The following DLG2 variants were observed in gnomAD, a reference collection of about 807,000 sequenced individuals.
DLG2 encodes discs large MAGUK scaffold protein 2.
Under a neutral mutation model 132.5 loss-of-function variants are expected in DLG2, and 45 were observed. That is an observed-to-expected ratio of 0.34 (90% CI 0.27 to 0.44). The LOEUF is 0.44. Among genes scored for constraint, DLG2 ranks in the 20% least tolerant of loss-of-function variants. DLG2 has a pLI of 1.00. For synonymous variants in DLG2, 424 were observed against 419.6 expected (o/e 1.01, Z -0.13); for missense variants, 1,045 against 1,196.9 (o/e 0.87, Z 1.87).
intron 21 of DLG2, among the ~76,000 whole-genome samples, chr11:83,495,050 A>G (rs2094075879): frequency 6.6e-6 from 1 of 152,248 alleles, no homozygotes; most frequent in East Asian, 1.9e-4. Context: ...CCTTTCTTAT[A>G]GTTTCTAAAC....
At chr11:84,035,838 T>C (rs2095850106) in intron 11 of DLG2, among the ~76,000 whole-genome samples, 1 of 152,114 alleles carries the variant, frequency 6.6e-6, no homozygotes, top group Non-Finnish European at 1.5e-5. Context: ...GCAGAGTTGG[T>C]GAGGATAGAC....
At chr11:84,397,754 C>T (rs922449650) in intron 7 of DLG2, among the ~76,000 whole-genome samples, 1 of 152,176 alleles carries the variant, frequency 6.6e-6, no homozygotes, top group African/African-American at 2.4e-5. Flanking sequence ...TCACATACTG[C>T]TTTTTAACCA....
At chr11:84,404,567 A>C (rs570458172) in intron 7 of DLG2, among the ~76,000 whole-genome samples, 2 of 152,276 alleles carry the variant, frequency 1.3e-5, no homozygotes, top group South Asian at 4.1e-4. Flanking sequence ...CTATTAGGTA[A>C]ATACGTGTCT....
At chr11:83,590,540 A>G (rs1231616315) in intron 19 of DLG2, among the ~76,000 whole-genome samples, 11 of 151,970 alleles carry the variant, frequency 7.2e-5, no homozygotes, top group Non-Finnish European at 1.6e-4. Context: ...AGAAAGCAGG[A>G]AAGATCCAAA....
rs967204089 is a variant in DLG2 at position 83,951,117 on chromosome 11, T to G, written c.1340+11768A>C. On this transcript the variant is annotated intron_variant, in intron 14 of 27. Coordinates refer to ENST00000376104, the MANE Select transcript of DLG2 (RefSeq NM_001142699.3). ...AAGATAAATTAAGAGACATAAGCAT[T>G]TAAATTAGATACAGTATTAAAACAA... 3.3e-5 allele frequency among the ~76,000 whole-genome samples: 5 copies of G among 152,050 alleles called. No individual in the cohort carries two copies. The South Asian group carries it at 8.3e-4, about 25-fold the overall frequency.
chr11:84,568,646 C>T (rs773627313), intron 6 of DLG2, among the ~76,000 whole-genome samples: 3 of 152,160 alleles, frequency 2.0e-5, no homozygotes, highest in Non-Finnish European at 2.9e-5. Flanking sequence ...TTAGATCCTA[C>T]CCCAACAAAC....
intron 4 of DLG2, among the ~76,000 whole-genome samples, chr11:85,188,488 A>G (rs1381581108): frequency 6.6e-6 from 1 of 152,192 alleles, no homozygotes; most frequent in African/African-American, 2.4e-5. Flanking sequence ...TGAAAGCGTG[A>G]TCCATGCTCA....
At chr11:85,014,658 A>G (rs1432470295) in intron 6 of DLG2, among the ~76,000 whole-genome samples, 1 of 152,166 alleles carries the variant, frequency 6.6e-6, no homozygotes, top group Non-Finnish European at 1.5e-5. Context: ...ACCCTCCAGA[A>G]GAAGAGAACT....
intron 21 of DLG2, among the ~76,000 whole-genome samples, chr11:83,530,874 A>G (rs1357627780): frequency 6.6e-6 from 1 of 152,054 alleles, no homozygotes; most frequent in Non-Finnish European, 1.5e-5. Flanking sequence ...GCAAGGTTGC[A>G]GGATATAAGA....
chr11:85,424,981 T>C (rs921430145), intron 3 of DLG2, among the ~76,000 whole-genome samples: 2 of 152,068 alleles, frequency 1.3e-5, no homozygotes, highest in Non-Finnish European at 2.9e-5. Context: ...AAAGTTTCCA[T>C]GGTCACCTTA....
At chr11:85,026,926 A>T (rs1231442905) in intron 6 of DLG2, among the ~76,000 whole-genome samples, 2 of 152,152 alleles carry the variant, frequency 1.3e-5, no homozygotes, top group African/African-American at 4.8e-5. Flanking sequence ...TTACTGAAAT[A>T]TTTGCCTATG....
chr11:85,481,440 G>A (rs1247194068), intron 3 of DLG2, among the ~76,000 whole-genome samples: 1 of 152,144 alleles, frequency 6.6e-6, no homozygotes, highest in African/African-American at 2.4e-5. Flanking sequence ...AAACATGCAT[G>A]GAAGAGGGTA....
intron 7 of DLG2, among the ~76,000 whole-genome samples, chr11:84,271,949 C>CAAAAAAAAA (rs71036417): frequency 6.4e-5 from 5 of 77,794 alleles, no homozygotes; most frequent in Admixed American, 1.5e-4. Context: ...TTGATAATAA[C>CAAAAAAAAA]AAAAAAAAAA....
At chr11:85,245,588 T>C (rs1289568850) in intron 4 of DLG2, among the ~76,000 whole-genome samples, 1 of 152,028 alleles carries the variant, frequency 6.6e-6, no homozygotes, top group Non-Finnish European at 1.5e-5. Flanking sequence ...TTGGCTCCTG[T>C]GAAGTATTAT....
intron 21 of DLG2, among the ~76,000 whole-genome samples, chr11:83,518,655 C>T (rs1017493363): frequency 6.6e-5 from 10 of 152,126 alleles, no homozygotes; most frequent in African/African-American, 9.7e-5. Flanking sequence ...TGTTCCTATT[C>T]GGCCATCTTC....
intron 12 of DLG2, among the ~76,000 whole-genome samples, chr11:83,980,098 C>T (rs1399880725): frequency 6.6e-6 from 1 of 152,112 alleles, no homozygotes; most frequent in East Asian, 1.9e-4. Context: ...AAGCCCTAAC[C>T]TCCCTGTGAC....
intron 21 of DLG2, among the ~76,000 whole-genome samples, chr11:83,492,137 T>A (rs933095026): frequency 1.3e-5 from 2 of 152,108 alleles, no homozygotes; most frequent in African/African-American, 4.8e-5. Flanking sequence ...GTTTCCTGGC[T>A]ACTTATCTAA....
chr11:85,567,495 C>T (rs1224300553), intron 3 of DLG2, among the ~76,000 whole-genome samples: 1 of 152,090 alleles, frequency 6.6e-6, no homozygotes, highest in African/African-American at 2.4e-5. Context: ...TTGTATTCTA[C>T]AATCTTTCTG....
At chr11:83,740,166 T>C (rs1247677443) in intron 18 of DLG2, among the ~76,000 whole-genome samples, 3 of 152,200 alleles carry the variant, frequency 2.0e-5, no homozygotes, top group African/African-American at 4.8e-5. Flanking sequence ...GCAATTTTGC[T>C]CCTATATATA....
Sources: gnomAD v4.1 joint callset for allele counts (sites outside exome capture counted in the v4.1 genomes callset) on GRCh38, gnomAD v4.1.1 for gene constraint, MANE v1.5 for transcripts, NCBI Gene and HGNC (gene_info 2026-07-23, HGNC 2026-07-21) for gene names.